FAM184B: variants seen among roughly 807,000 people sequenced by gnomAD.
FAM184B encodes family with sequence similarity 184 member B, also known as protein FAM184B.
Under a neutral mutation model 135.9 loss-of-function variants are expected in FAM184B, and 111 were observed. The ratio of observed to expected loss-of-function variants is 0.82; its 90% CI spans 0.70 to 0.96. FAM184B has a LOEUF of 0.96. Among genes scored for constraint, FAM184B ranks in the 40% least tolerant of loss-of-function variants. The pLI is 0.00. For missense variants in FAM184B, 1,375 were observed against 1,323.9 expected, an observed-to-expected ratio of 1.04 and a Z score of -0.60; for synonymous variants, 552 against 524.8, an observed-to-expected ratio of 1.05 and a Z score of -0.71.
chr4:17,652,986 G>A lies in FAM184B; in HGVS notation c.2038-3C>T. 6.4e-7 allele frequency: 1 copy of A among 1,551,462 alleles called. No homozygotes were observed. The highest frequency in any genetic ancestry group is 8.7e-7 in the Non-Finnish European group (1 of 1,146,814). On this transcript the variant is annotated splice_polypyrimidine_tract_variant and splice_region_variant and intron_variant, in intron 10 of 17. Transcript: ENST00000265018. ...TTCTTCAAGCGTTCCTCTGTGGCCT[G>A]TGGGAAAAAGTGGGAACAAGAAGGC...
chr4:17,740,425 C>T (rs529898350), intron 1 of FAM184B, among the ~76,000 whole-genome samples: 2 of 146,004 alleles, frequency 1.4e-5, no homozygotes, highest in Non-Finnish European at 3.0e-5. Flanking sequence ...CACACCACAA[C>T]AACAATGTAA....
rs1382281228 is a variant in FAM184B at position 17,631,894 on chromosome 4, T to C, written c.*638A>G. ...GCATCCTAAGGACAAGTACAACCAC[T>C]TTTGAAATAGATCATGGAAATCACA... On this transcript the variant is annotated 3_prime_UTR_variant, in exon 18 of 18. Coordinates refer to ENST00000265018, the MANE Select transcript of FAM184B (RefSeq NM_015688.2). 1.3e-5 allele frequency: 2 copies of C among 152,162 alleles called. No homozygotes were observed. The highest frequency in any genetic ancestry group is 2.9e-5 in the Non-Finnish European group (2 of 68,034). The allele number at this position is 152,162 out of a possible 1,614,324, so 9.4% of individuals were successfully genotyped here. A position where few individuals can be genotyped will look rare whatever the true frequency, so the allele number is the denominator to read the frequency against.
At chr4:17,726,434 T>C (rs1165600386) in intron 1 of FAM184B, among the ~76,000 whole-genome samples, 1 of 152,092 alleles carries the variant, frequency 6.6e-6, no homozygotes, top group Non-Finnish European at 1.5e-5. Flanking sequence ...TGCCATGGCG[T>C]GATCTCAGCT....
intron 5 of FAM184B, among the ~76,000 whole-genome samples, chr4:17,695,779 T>C (rs1694870247): frequency 6.6e-6 from 1 of 152,190 alleles, no homozygotes; most frequent in Admixed American, 6.5e-5. Context: ...TCAAGCTTGA[T>C]ACATCTGTTA....
intron 3 of FAM184B, among the ~76,000 whole-genome samples, chr4:17,707,340 G>C (rs989753383): frequency 2.0e-5 from 3 of 152,198 alleles, no homozygotes; most frequent in Non-Finnish European, 4.4e-5. Context: ...TAAGTGGTGG[G>C]GGGTGAAGTG....
At position 17,639,272 on chromosome 4, in the gene FAM184B, G is replaced by C. The variant is rs999546226; in HGVS notation, c.2644C>G (p.Arg882Gly). The C allele has an allele frequency of 1.2e-5, 19 of 1,551,488 alleles. No homozygotes were observed. The highest frequency in any genetic ancestry group is 1.4e-5 in the Non-Finnish European group (16 of 1,146,958). Reference sequence around the variant, plus strand: ...TACTCGGCTTCCAGGGCAGCCAGCCGGGCCTGGAGCTGGGCCTGGGCACTA... The same window carrying C: ...TACTCGGCTTCCAGGGCAGCCAGCCCGGCCTGGAGCTGGGCCTGGGCACTA... ...FSSAQAQLQA[R>G]LAALEAELKD... is the part of the protein sequence containing the mutation. Residue 882 changes from arginine (R) to glycine (G), a missense_variant, in exon 14 of 18, where the codon CGG (arginine) becomes GGG (glycine). Physicochemically the swap from Arg to Gly is moderately radical, Grantham distance 125. Coordinates refer to ENST00000265018, the MANE Select transcript of FAM184B (RefSeq NM_015688.2).
intron 1 of FAM184B, among the ~76,000 whole-genome samples, chr4:17,774,241 G>A (rs1223613561): frequency 1.3e-5 from 2 of 152,114 alleles, no homozygotes; most frequent in Non-Finnish European, 2.9e-5. Context: ...GGCAGTGCAC[G>A]CCTGTAGTCC....
intron 7 of FAM184B, among the ~76,000 whole-genome samples, chr4:17,687,280 GA>G (rs1039970849): frequency 6.6e-6 from 1 of 152,208 alleles, no homozygotes; most frequent in African/African-American, 2.4e-5. Flanking sequence ...CCTGGAGTTT[GA>G]AATGGCCTGA....
chr4:17,763,653 G>A (rs1718595093), intron 1 of FAM184B, among the ~76,000 whole-genome samples: 1 of 152,100 alleles, frequency 6.6e-6, no homozygotes, highest in Non-Finnish European at 1.5e-5. Context: ...AAAGAAAGCT[G>A]ACCCATTTTT....
chr4:17,697,694 C>A (rs1716897062), intron 5 of FAM184B, among the ~76,000 whole-genome samples: 1 of 152,214 alleles, frequency 6.6e-6, no homozygotes, highest in Non-Finnish European at 1.5e-5. Context: ...CACTCACTAA[C>A]ATTGCCAAGA....
intron 1 of FAM184B, among the ~76,000 whole-genome samples, chr4:17,717,491 G>A (rs143688281): frequency 1.8e-4 from 28 of 152,198 alleles, no homozygotes; most frequent in Admixed American, 3.3e-4. Context: ...ACATCAGACT[G>A]CTCCAGGCCT....
chr4:17,775,052 A>G (rs1433107114), intron 1 of FAM184B, among the ~76,000 whole-genome samples: 1 of 127,736 alleles, frequency 7.8e-6, no homozygotes, highest in African/African-American at 3.1e-5. Context: ...GCTGGAGTGC[A>G]GTGGTATGAT....
chr4:17,736,711 G>A (rs1233320660), intron 1 of FAM184B, among the ~76,000 whole-genome samples: 3 of 152,148 alleles, frequency 2.0e-5, no homozygotes, highest in African/African-American at 7.2e-5. Context: ...ACTAGAGGGT[G>A]CATTCATCCC....
chr4:17,654,184 T>C (rs1488896795), intron 10 of FAM184B, among the ~76,000 whole-genome samples: 2 of 151,232 alleles, frequency 1.3e-5, no homozygotes, highest in African/African-American at 4.9e-5. Context: ...GAAACTAATA[T>C]AGTTTCTGCT....
At chr4:17,688,400 A>C (rs1476824331) in intron 7 of FAM184B, 24 bp downstream of exon 7, 1 of 1,506,398 alleles carries the variant, frequency 6.6e-7, no homozygotes, top group Admixed American at 2.1e-5. Context: ...ATCTTTAATT[A>C]AATCTGACAA....
chr4:17,731,294 A>G (rs1717769339), intron 1 of FAM184B, among the ~76,000 whole-genome samples: 2 of 152,240 alleles, frequency 1.3e-5, no homozygotes, highest in South Asian at 4.1e-4. Context: ...ACCAGCTAAC[A>G]TCATAATGAC....
Position 17,631,537 on chromosome 4 carries a change from T to TAC in FAM184B, c.*993_*994dup, listed in dbSNP as rs1714944181. On this transcript the variant is annotated 3_prime_UTR_variant, in exon 18 of 18. Transcript: ENST00000265018. Reference sequence around the variant, plus strand: ...GTGATCATGTTGGCACTATGGTCATTACACTGAGACCTATAACTGGGCTAG... The same window carrying TAC: ...GTGATCATGTTGGCACTATGGTCATTACACACTGAGACCTATAACTGGGCTAG... 6.6e-6 allele frequency: 1 copy of TAC among 152,254 alleles called. No homozygotes were observed. The highest frequency in any genetic ancestry group is 2.4e-5 in the African/African-American group (1 of 41,468). 9.4% of individuals were successfully genotyped at this position (152,254 alleles called of 1,614,324 possible). A position where few individuals can be genotyped will look rare whatever the true frequency, so the allele number is the denominator to read the frequency against.
chr4:17,771,101 C>A (rs189220624), intron 1 of FAM184B, among the ~76,000 whole-genome samples: 2 of 152,286 alleles, frequency 1.3e-5, no homozygotes, highest in Middle Eastern at 3.4e-3. Flanking sequence ...AACATTCTTG[C>A]GTCATTTCTC....
chr4:17,719,600 C>G (rs868520474), intron 1 of FAM184B, among the ~76,000 whole-genome samples: 4 of 152,132 alleles, frequency 2.6e-5, no homozygotes, highest in African/African-American at 9.7e-5. Context: ...AGTAATCCCC[C>G]CTTTTCTCCT....
Sources: gnomAD v4.1 joint callset for allele counts (sites outside exome capture counted in the v4.1 genomes callset) on GRCh38, gnomAD v4.1.1 for gene constraint, MANE v1.5 for transcripts, NCBI Gene and HGNC (gene_info 2026-07-23, HGNC 2026-07-21) for gene names.